Variants in CAMK1D observed in about 807,000 individuals in gnomAD.
CAMK1D encodes calcium/calmodulin dependent protein kinase ID, also known as calcium/calmodulin-dependent protein kinase type 1D.
CAMK1D carries 9 observed loss-of-function variants against 47.7 expected under a neutral mutation model. The ratio of observed to expected loss-of-function variants is 0.19; its 90% CI spans 0.11 to 0.33. CAMK1D has a LOEUF of 0.33. Ranked by LOEUF, CAMK1D falls within the 10% of genes least tolerant of loss-of-function variation. The probability of loss-of-function intolerance (pLI) is 1.00; values close to 1 mark genes in which losing one functional copy is unlikely to be tolerated. For missense variants in CAMK1D, 291 were observed against 488.7 expected, an observed-to-expected ratio of 0.60 and a Z score of 3.81; for synonymous variants, 184 against 184.9, an observed-to-expected ratio of 0.99 and a Z score of 0.04.
chr10:12,542,998 C>T (rs2768468), intron 1 of CAMK1D, among the ~76,000 whole-genome samples: 38,316 of 151,898 alleles, frequency 0.25, 5,382 homozygotes, highest in Admixed American at 0.33. Flanking sequence ...CCCCACTCCT[C>T]GGCCACCCAA....
chr10:12,697,093 A>G (rs756858598), intron 3 of CAMK1D, among the ~76,000 whole-genome samples: 2 of 152,218 alleles, frequency 1.3e-5, no homozygotes, highest in Admixed American at 6.5e-5. Flanking sequence ...CATGGAAGGT[A>G]TGGGTCAAAG....
At chr10:12,639,525 G>A (rs553494395) in intron 2 of CAMK1D, among the ~76,000 whole-genome samples, 14 of 152,036 alleles carry the variant, frequency 9.2e-5, no homozygotes, top group African/African-American at 3.4e-4. Flanking sequence ...ACCAGAAAGG[G>A]CTTTAAGCTC....
At chr10:12,445,900 C>T (rs1175132465) in intron 1 of CAMK1D, among the ~76,000 whole-genome samples, 2 of 151,868 alleles carry the variant, frequency 1.3e-5, no homozygotes, top group Admixed American at 6.6e-5. Flanking sequence ...GACATGTTGG[C>T]GTTTTTTTTC....
chr10:12,465,437 CT>C (rs1421403809), intron 1 of CAMK1D, among the ~76,000 whole-genome samples: 4 of 151,514 alleles, frequency 2.6e-5, no homozygotes, highest in Non-Finnish European at 5.9e-5. Context: ...TCACTGCAAG[CT>C]CTGCCTGCCA....
intron 3 of CAMK1D, among the ~76,000 whole-genome samples, chr10:12,758,736 C>T (rs896885576): frequency 5.3e-5 from 8 of 152,046 alleles, no homozygotes; most frequent in African/African-American, 9.7e-5. Context: ...TTTTGAGGGA[C>T]GCAGGTTGGC....
chr10:12,717,614 A>G (rs567857426), intron 3 of CAMK1D, among the ~76,000 whole-genome samples: 1 of 151,898 alleles, frequency 6.6e-6, no homozygotes, highest in African/African-American at 2.4e-5. Flanking sequence ...AGCCAGGTTT[A>G]CTGGTGCATG....
chr10:12,788,782 C>T (rs549301405), intron 5 of CAMK1D, among the ~76,000 whole-genome samples: 160 of 152,350 alleles, frequency 1.1e-3, no homozygotes, highest in African/African-American at 3.7e-3. Context: ...AGCTATCGCC[C>T]GGCCAGCCAA....
intron 1 of CAMK1D, among the ~76,000 whole-genome samples, chr10:12,388,930 G>T (rs934423815): frequency 6.6e-6 from 1 of 152,132 alleles, no homozygotes; most frequent in Non-Finnish European, 1.5e-5. Context: ...ATGAGCCTGC[G>T]GTAAAGGCGT....
At chr10:12,356,415 C>G (rs1588398688) in intron 1 of CAMK1D, among the ~76,000 whole-genome samples, 2 of 152,200 alleles carry the variant, frequency 1.3e-5, no homozygotes, top group African/African-American at 4.8e-5. Flanking sequence ...CGGGCAAGCA[C>G]ACAGCCTTGG....
intron 1 of CAMK1D, among the ~76,000 whole-genome samples, chr10:12,541,879 CTTCCTTCCT>C (rs1213612182): frequency 4.9e-4 from 72 of 148,166 alleles, no homozygotes; most frequent in African/African-American, 1.6e-3. Context: ...TCCTTCCTTC[CTTCCTTCCT>C]TTTTTTTTTT....
At chr10:12,828,673 C>G (rs1833347264) in intron 10 of CAMK1D, 96 bp from the exon 11 acceptor site, 1 of 949,078 alleles carries the variant, frequency 1.1e-6, no homozygotes, top group Non-Finnish European at 1.6e-6. Flanking sequence ...CCCCCGCCCC[C>G]CACCATAAAC....
At chr10:12,566,343 G>C (rs1032018318) in intron 2 of CAMK1D, among the ~76,000 whole-genome samples, 4 of 152,162 alleles carry the variant, frequency 2.6e-5, no homozygotes, top group Non-Finnish European at 5.9e-5. Context: ...GACAGAGGCA[G>C]CAGCGATGAG....
intron 1 of CAMK1D, among the ~76,000 whole-genome samples, chr10:12,551,797 C>T (rs760380169): frequency 1.3e-5 from 2 of 152,162 alleles, no homozygotes; most frequent in Admixed American, 6.5e-5. Context: ...CAAAACCACC[C>T]TCCTCTCCCG....
chr10:12,479,078 C>G (rs907916846), intron 1 of CAMK1D, among the ~76,000 whole-genome samples: 2 of 152,204 alleles, frequency 1.3e-5, no homozygotes, highest in African/African-American at 4.8e-5. Flanking sequence ...CAATGACTCT[C>G]AAACTTGAAG....
At chr10:12,780,564 G>A (rs751795391) in intron 5 of CAMK1D, among the ~76,000 whole-genome samples, 4 of 152,066 alleles carry the variant, frequency 2.6e-5, no homozygotes, top group Non-Finnish European at 2.9e-5. Context: ...CCTCCCCAGC[G>A]TCTGTCTTCT....
intron 3 of CAMK1D, among the ~76,000 whole-genome samples, chr10:12,746,890 A>G (rs1305726327): frequency 1.3e-5 from 2 of 152,188 alleles, no homozygotes; most frequent in Non-Finnish European, 2.9e-5. Flanking sequence ...ACTACAATAG[A>G]TGCCTTTAGT....
intron 1 of CAMK1D, among the ~76,000 whole-genome samples, chr10:12,524,258 C>A (rs1285824412): frequency 6.6e-6 from 1 of 151,952 alleles, no homozygotes; most frequent in Non-Finnish European, 1.5e-5. Flanking sequence ...AGCCACTGCA[C>A]CTGGCCAGGA....
At chr10:12,418,900 T>C (rs978807637) in intron 1 of CAMK1D, among the ~76,000 whole-genome samples, 4 of 152,072 alleles carry the variant, frequency 2.6e-5, no homozygotes, top group African/African-American at 9.7e-5. Flanking sequence ...TGGCCATAGA[T>C]GGAAGGCCTC....
intron 1 of CAMK1D, among the ~76,000 whole-genome samples, chr10:12,440,245 G>A (rs1246955326): frequency 6.6e-6 from 1 of 151,720 alleles, no homozygotes; most frequent in Admixed American, 6.6e-5. Context: ...GAAACAGTAG[G>A]TCTTTTTCCT....
Sources: gnomAD v4.1 joint callset for allele counts (sites outside exome capture counted in the v4.1 genomes callset) on GRCh38, gnomAD v4.1.1 for gene constraint, MANE v1.5 for transcripts, NCBI Gene and HGNC (gene_info 2026-07-23, HGNC 2026-07-21) for gene names.